Variants in TBXAS1 observed in about 807,000 individuals in gnomAD.
TBXAS1 encodes thromboxane-A synthase.
Under a neutral mutation model 60.7 loss-of-function variants are expected in TBXAS1, and 48 were observed. The observed-to-expected ratio is 0.79, with a 90% confidence interval of 0.63 to 1.01. The LOEUF is 1.01. Among genes scored for constraint, TBXAS1 ranks in the 50% least tolerant of loss-of-function variants. The pLI, the probability that TBXAS1 is intolerant of heterozygous loss-of-function variation, is 0.00. For synonymous variants in TBXAS1, 287 were observed against 269.7 expected, an observed-to-expected ratio of 1.06 and a Z score of -0.63; for missense variants, 685 against 686.3, an observed-to-expected ratio of 1.00 and a Z score of 0.02.
At chr7:139,895,694 G>A (rs1804033146) in intron 3 of TBXAS1, among the ~76,000 whole-genome samples, 1 of 152,230 alleles carries the variant, frequency 6.6e-6, no homozygotes, top group African/African-American at 2.4e-5. Context: ...CACATCATGG[G>A]AACTCTAGTT....
At chr7:139,980,429 T>C (rs890043454) in intron 9 of TBXAS1, among the ~76,000 whole-genome samples, 2 of 152,088 alleles carry the variant, frequency 1.3e-5, no homozygotes, top group African/African-American at 2.4e-5. Context: ...CCAACTTGGT[T>C]ACACATTTCC....
intron 4 of TBXAS1, among the ~76,000 whole-genome samples, chr7:139,810,568 A>G (rs1234667446): frequency 6.6e-6 from 1 of 152,216 alleles, no homozygotes; most frequent in Non-Finnish European, 1.5e-5. Flanking sequence ...CACAGACTCT[A>G]ATTTCTAAGC....
chr7:139,896,024 G>C lies in TBXAS1; in HGVS notation c.237-15201G>C, dbSNP rs2284202. ...TTCAAGTCTGGCTTCAGAGTTGAAA[G>C]CTCCTTCTGCCAGGAGGAGTAATAG... On this transcript the variant is annotated intron_variant, in intron 3 of 12. Transcript: ENST00000448866. This position sits in a 1 kb window ranked among gnomAD's most constrained non-coding sequence, Gnocchi z 4.0. Among the ~76,000 whole-genome samples the C allele has an allele frequency of 0.55, 83,792 of 152,010 alleles. 23,731 individuals are homozygous for C. Among genetic ancestry groups the C allele is most frequent in the African/African-American group, 0.68 (28,249 of 41,448 alleles).
At chr7:139,987,593 T>C (rs539533716) in intron 9 of TBXAS1, among the ~76,000 whole-genome samples, 2 of 152,322 alleles carry the variant, frequency 1.3e-5, no homozygotes, top group South Asian at 2.1e-4. Flanking sequence ...TCTCACCCTG[T>C]GTCTTCCAAC....
At chr7:139,984,822 G>GA (rs71931473) in intron 9 of TBXAS1, among the ~76,000 whole-genome samples, 11 of 121,984 alleles carry the variant, frequency 9.0e-5, no homozygotes, top group Admixed American at 2.7e-4. Context: ...AAGAAAAGAA[G>GA]AAGAAAGAAA....
chr7:139,810,800 C>A (rs1798004934), intron 4 of TBXAS1, among the ~76,000 whole-genome samples: 2 of 152,144 alleles, frequency 1.3e-5, no homozygotes, highest in Non-Finnish European at 2.9e-5. Context: ...TAAGCAACAG[C>A]AAAAGAAACA....
At chr7:139,931,021 C>T (rs1807282777) in intron 4 of TBXAS1, among the ~76,000 whole-genome samples, 2 of 151,998 alleles carry the variant, frequency 1.3e-5, no homozygotes, top group African/African-American at 4.8e-5. Flanking sequence ...GTAAGAAACA[C>T]ATTCACATTT....
At position 139,916,033 on chromosome 7, in the gene TBXAS1, T is replaced by C. The variant is rs1237507012; in HGVS notation, c.333+4712T>C. ...CCCAAATCAATCTTCTTGGCACTTA[T>C]AGAAGCTCAGTCGTCCTGGTACATC... On this transcript the variant is annotated intron_variant, in intron 4 of 12. Transcript: ENST00000448866. The surrounding 1 kb of genome is among the most constrained non-coding windows in gnomAD (Gnocchi z 4.2). Among the ~76,000 whole-genome samples, 2 of 152,252 alleles carry C rather than the reference T, an allele frequency of 1.3e-5. No homozygotes were observed. The highest frequency in any genetic ancestry group is 2.4e-5 in the African/African-American group (1 of 41,468).
chr7:139,917,367 A>G (rs1806081180), intron 4 of TBXAS1, among the ~76,000 whole-genome samples: 2 of 152,156 alleles, frequency 1.3e-5, no homozygotes, highest in African/African-American at 4.8e-5. Context: ...CTTCTAAGCC[A>G]TAGCCCAGTG....
chr7:139,842,880 C>G (rs1022792375), intron 1 of TBXAS1, among the ~76,000 whole-genome samples: 1 of 152,176 alleles, frequency 6.6e-6, no homozygotes, highest in Non-Finnish European at 1.5e-5. Flanking sequence ...AGAGGCCGGC[C>G]CCTTTTTTCC....
intron 4 of TBXAS1, among the ~76,000 whole-genome samples, chr7:139,823,599 A>G (rs1798358503): frequency 6.6e-6 from 1 of 152,120 alleles, no homozygotes; most frequent in South Asian, 2.1e-4. Context: ...TGCACCCTGG[A>G]GGTAAACATC....
chr7:139,799,955 A>G (rs1797675374), intron 4 of TBXAS1, among the ~76,000 whole-genome samples: 1 of 152,150 alleles, frequency 6.6e-6, no homozygotes, highest in Non-Finnish European at 1.5e-5. Context: ...TATCCAGTGG[A>G]GAGTTTCCAC....
intron 4 of TBXAS1, among the ~76,000 whole-genome samples, chr7:139,918,573 C>T (rs1366417322): frequency 6.6e-6 from 1 of 152,210 alleles, no homozygotes. Flanking sequence ...AGATTCCCTT[C>T]CCCGCTCAGG....
intron 10 of TBXAS1, among the ~76,000 whole-genome samples, chr7:140,009,928 CCCA>C (rs66909689): frequency 0.023 from 964 of 42,020 alleles, 208 homozygotes; most frequent in East Asian, 0.12. Flanking sequence ...CCACACCTGC[CCCA>C]CACCTGCCCC....
At chr7:139,951,954 G>A (rs1482736522) in intron 5 of TBXAS1, among the ~76,000 whole-genome samples, 36 of 51,120 alleles carry the variant, frequency 7.0e-4, no homozygotes, top group Non-Finnish European at 1.1e-3. Context: ...AGAAAGAAAA[G>A]AAAGAAAGAA....
intron 9 of TBXAS1, among the ~76,000 whole-genome samples, chr7:139,993,634 C>T (rs1813081282): frequency 6.6e-6 from 1 of 152,126 alleles, no homozygotes; most frequent in East Asian, 1.9e-4. Context: ...ACTAAAAATC[C>T]CATCTAGCTA....
chr7:139,849,997 G>A (rs1037167427), intron 1 of TBXAS1, among the ~76,000 whole-genome samples: 2 of 152,160 alleles, frequency 1.3e-5, no homozygotes, highest in Non-Finnish European at 2.9e-5. Context: ...AAGTCCTCTG[G>A]GTTATTAAGG....
At chr7:139,845,623 G>C (rs1328933862) in intron 1 of TBXAS1, among the ~76,000 whole-genome samples, 1 of 152,066 alleles carries the variant, frequency 6.6e-6, no homozygotes, top group Non-Finnish European at 1.5e-5. Flanking sequence ...CACTTCTGTT[G>C]AGTAATAGGC....
chr7:139,929,837 C>T (rs553651132), intron 4 of TBXAS1, among the ~76,000 whole-genome samples: 7 of 152,312 alleles, frequency 4.6e-5, no homozygotes, highest in African/African-American at 1.7e-4. Flanking sequence ...TCTCTCCTGG[C>T]CACTGTGCTT....
Sources: allele counts gnomAD v4.1 joint callset (sites outside exome capture counted in the v4.1 genomes callset), GRCh38; gene constraint gnomAD v4.1.1; non-coding constraint Gnocchi (gnomAD v3.1); transcripts MANE v1.5; gene names NCBI Gene and HGNC (gene_info 2026-07-23, HGNC 2026-07-21).